Variants in WDPCP observed in about 807,000 individuals in gnomAD.
WDPCP encodes WD repeat-containing and planar cell polarity effector protein fritz homolog.
Under a neutral mutation model 93.1 loss-of-function variants are expected in WDPCP, and 71 were observed. The ratio of observed to expected loss-of-function variants is 0.76; its 90% CI spans 0.63 to 0.93. The LOEUF (loss-of-function observed/expected upper bound fraction) is 0.93. Ranked by LOEUF, WDPCP falls within the 40% of genes least tolerant of loss-of-function variation. The pLI is 0.00. For missense variants in WDPCP, 844 were observed against 887.4 expected (o/e 0.95, Z 0.62); for synonymous variants, 315 against 315.0 (o/e 1.00, Z 0.00).
At chr2:63,633,387 C>T (rs1295651614) in intron 3 of WDPCP, among the ~76,000 whole-genome samples, 1 of 151,956 alleles carries the variant, frequency 6.6e-6, no homozygotes, top group Non-Finnish European at 1.5e-5. Flanking sequence ...ATAACTAAAG[C>T]TACATTAATT....
intron 14 of WDPCP, among the ~76,000 whole-genome samples, chr2:63,192,307 A>C (rs1007450819): frequency 1.3e-5 from 2 of 152,218 alleles, no homozygotes; most frequent in Non-Finnish European, 2.9e-5. Context: ...GTGCTAAATT[A>C]GATCATCTCT....
At chr2:63,531,962 G>GA (rs910994582) in intron 1 of WDPCP, among the ~76,000 whole-genome samples, 1 of 151,884 alleles carries the variant, frequency 6.6e-6, no homozygotes, top group Non-Finnish European at 1.5e-5. Flanking sequence ...TAAAAACCTT[G>GA]AAAAAAAATT....
Position 63,681,919 on chromosome 2 carries a change from A to T in WDPCP, n.309-31081T>A, listed in dbSNP as rs569243314. On this transcript the variant is annotated intron_variant and non_coding_transcript_variant, in intron 2 of 4. Coordinates refer to the WDPCP transcript ENST00000467687. ...CTGGTTATCCAGAGAATTCTTCCAG[A>T]TCTTACCCAAGACCACAAAGCTGAT... Among the ~76,000 whole-genome samples, 6 of 152,338 alleles carry T rather than the reference A, an allele frequency of 3.9e-5. No individual in the cohort carries two copies. The South Asian group carries it at 1.2e-3, about 32-fold the overall frequency.
At chr2:63,211,551 G>A (rs889932021) in intron 14 of WDPCP, among the ~76,000 whole-genome samples, 1 of 152,176 alleles carries the variant, frequency 6.6e-6, no homozygotes. Flanking sequence ...AAATCAGAGT[G>A]CCTCTTCTCC....
At chr2:63,437,582 G>C (rs376196939) in intron 7 of WDPCP, 28 bp from the exon 8 acceptor site, 5 of 1,545,620 alleles carry the variant, frequency 3.2e-6, no homozygotes, top group Non-Finnish European at 4.4e-6. Context: ...ATATTACCAA[G>C]TTAGAATAAA....
At chr2:63,555,503 G>C (rs1272914409) in intron 1 of WDPCP, among the ~76,000 whole-genome samples, 2 of 152,210 alleles carry the variant, frequency 1.3e-5, no homozygotes, top group Non-Finnish European at 2.9e-5. Flanking sequence ...CAGAGTGCTT[G>C]GTTAAGTGGG....
Position 63,646,960 on chromosome 2 carries a change from G to A in WDPCP, n.488+3699C>T, listed in dbSNP as rs182605536. Reference sequence around the variant, plus strand: ...ATATTGAGATCTTTCTCTAGGTTTGGGAACTTCTCTTATTATACCTTTGAA... The same window carrying A: ...ATATTGAGATCTTTCTCTAGGTTTGAGAACTTCTCTTATTATACCTTTGAA... On this transcript the variant is annotated intron_variant and non_coding_transcript_variant, in intron 3 of 4. Coordinates refer to the WDPCP transcript ENST00000467687. Among the ~76,000 whole-genome samples, 20 of 152,048 alleles carry A rather than the reference G, an allele frequency of 1.3e-4. No individual in the cohort carries two copies. The East Asian group carries it at 3.9e-3, about 29-fold the overall frequency.
intron 2 of WDPCP, among the ~76,000 whole-genome samples, chr2:63,719,635 C>T (rs1669387836): frequency 1.3e-5 from 2 of 151,938 alleles, no homozygotes; most frequent in African/African-American, 4.8e-5. Context: ...GGTGGGTGGG[C>T]TGTGTGGAGA....
At chr2:63,186,225 C>G (rs181810246) in intron 14 of WDPCP, among the ~76,000 whole-genome samples, 2 of 152,218 alleles carry the variant, frequency 1.3e-5, no homozygotes, top group African/African-American at 4.8e-5. Context: ...AATCTTGCCA[C>G]TTGGGGAAAA....
intron 14 of WDPCP, among the ~76,000 whole-genome samples, chr2:63,250,540 C>T (rs1680629518): frequency 6.6e-6 from 1 of 152,008 alleles, no homozygotes; most frequent in Non-Finnish European, 1.5e-5. Context: ...TACCATCATG[C>T]TAAGCCTATT....
At chr2:63,565,461 T>C (rs909693542) in intron 1 of WDPCP, among the ~76,000 whole-genome samples, 20 of 152,162 alleles carry the variant, frequency 1.3e-4, no homozygotes. Flanking sequence ...ATTTAAACTC[T>C]ATAGGATATG....
At chr2:63,722,649 G>C in intron 2 of WDPCP, among the ~76,000 whole-genome samples, 1 of 67,662 alleles carries the variant, frequency 1.5e-5, no homozygotes, top group African/African-American at 7.3e-5. Flanking sequence ...CCCCGTCCGG[G>C]AGGGAGGTGG....
At chr2:63,124,478 T>C (rs1669758441) in intron 17 of WDPCP, among the ~76,000 whole-genome samples, 1 of 152,184 alleles carries the variant, frequency 6.6e-6, no homozygotes, top group Non-Finnish European at 1.5e-5. Context: ...TTGGGTGATA[T>C]CAGGTCACTT....
At chr2:63,397,427 C>T (rs1275352248) in intron 10 of WDPCP, among the ~76,000 whole-genome samples, 1 of 152,124 alleles carries the variant, frequency 6.6e-6, no homozygotes, top group Non-Finnish European at 1.5e-5. Context: ...AGAAGTTATT[C>T]AGCAAGCCAG....
intron 3 of WDPCP, chr2:63,594,318 C>T (rs1709260379): frequency 5.5e-6 from 4 of 723,050 alleles, no homozygotes; most frequent in Non-Finnish European, 1.0e-5. Flanking sequence ...AGTTAAATAA[C>T]ACCACGTAAA....
intron 2 of WDPCP, among the ~76,000 whole-genome samples, chr2:63,687,181 G>C (rs1668817336): frequency 1.3e-5 from 2 of 152,212 alleles, no homozygotes. Flanking sequence ...AGGGCCATGG[G>C]TTGGACAAGC....
At chr2:63,468,434 C>T (rs970185971) in intron 6 of WDPCP, among the ~76,000 whole-genome samples, 1 of 152,182 alleles carries the variant, frequency 6.6e-6, no homozygotes, top group African/African-American at 2.4e-5. Flanking sequence ...TACTGTCTTA[C>T]CTCCACCCCA....
chr2:63,192,274 A>G (rs2104239038), intron 14 of WDPCP, among the ~76,000 whole-genome samples: 1 of 152,260 alleles, frequency 6.6e-6, no homozygotes, highest in South Asian at 2.1e-4. Flanking sequence ...CTGAGCTTCT[A>G]TTTCCTCATT....
intron 17 of WDPCP, among the ~76,000 whole-genome samples, chr2:63,131,959 T>C (rs1273586020): frequency 1.3e-5 from 2 of 151,370 alleles, no homozygotes; most frequent in African/African-American, 2.4e-5. Context: ...CTTAGCCTCC[T>C]GAGTAGCTGG....
Sources: gnomAD v4.1 joint callset for allele counts (sites outside exome capture counted in the v4.1 genomes callset) on GRCh38, gnomAD v4.1.1 for gene constraint, MANE v1.5 for transcripts, NCBI Gene and HGNC (gene_info 2026-07-23, HGNC 2026-07-21) for gene names.